Variants in POLN observed in about 807,000 individuals in gnomAD.
POLN encodes DNA polymerase nu, also known as DNA polymerase N.
Under a neutral mutation model 113.5 loss-of-function variants are expected in POLN, and 108 were observed. That is an observed-to-expected ratio of 0.95 (90% confidence interval 0.81 to 1.12). The LOEUF (loss-of-function observed/expected upper bound fraction) is 1.12. Ranked by LOEUF, POLN falls within the 50% of genes most tolerant of loss-of-function variation. The pLI is 0.00. For missense variants in POLN, 1,097 were observed against 1,077.1 expected (o/e 1.02, Z -0.26); for synonymous variants, 386 against 391.5 (o/e 0.99, Z 0.17).
At chr4:2,186,517 G>T (rs1476528547) in intron 7 of POLN, among the ~76,000 whole-genome samples, 1 of 152,170 alleles carries the variant, frequency 6.6e-6, no homozygotes, top group Non-Finnish European at 1.5e-5. Flanking sequence ...AAGTTTGCTA[G>T]AGCCGAGGCA....
chr4:2,186,683 A>C (rs1006521626), intron 7 of POLN, among the ~76,000 whole-genome samples: 1 of 152,244 alleles, frequency 6.6e-6, no homozygotes, highest in African/African-American at 2.4e-5. Flanking sequence ...GAACAAAAAA[A>C]CGAATCCTTC....
intron 6 of POLN, among the ~76,000 whole-genome samples, chr4:2,198,043 G>A (rs1577763353): frequency 1.3e-5 from 2 of 152,352 alleles, no homozygotes; most frequent in African/African-American, 4.8e-5. Context: ...TTCTAAGAGG[G>A]CCGGTCCAAA....
intron 7 of POLN, among the ~76,000 whole-genome samples, chr4:2,188,780 A>G (rs1733351564): frequency 6.6e-6 from 1 of 152,200 alleles, no homozygotes; most frequent in South Asian, 2.1e-4. Context: ...AGATTAAAAG[A>G]TAAATCTATA....
chr4:2,185,879 CA>C (rs1203852227), intron 7 of POLN, among the ~76,000 whole-genome samples: 1 of 152,058 alleles, frequency 6.6e-6, no homozygotes, highest in Non-Finnish European at 1.5e-5. Context: ...ACTGACTAGA[CA>C]GCTAATAATA....
chr4:2,146,032 A>G (rs1732129500), intron 16 of POLN, among the ~76,000 whole-genome samples: 1 of 79,968 alleles, frequency 1.3e-5, no homozygotes, highest in South Asian at 5.4e-4. Flanking sequence ...AATTTATATA[A>G]ACTTTAAAAT....
chr4:2,185,090 C>G (rs1376698475), intron 7 of POLN, among the ~76,000 whole-genome samples: 1 of 152,126 alleles, frequency 6.6e-6, no homozygotes, highest in Non-Finnish European at 1.5e-5. Flanking sequence ...CATAATAGAT[C>G]TTAAATATCA....
chr4:2,091,800 T>TGTGTGTGTGTGC (rs577896956), intron 20 of POLN, among the ~76,000 whole-genome samples: 1 of 144,848 alleles, frequency 6.9e-6, no homozygotes, highest in South Asian at 2.2e-4. Context: ...TGTGTGTGTG[T>TGTGTGTGTGTGC]GCGCGCGCTA....
intron 5 of POLN, among the ~76,000 whole-genome samples, chr4:2,203,812 T>C (rs892450358): frequency 6.6e-6 from 1 of 151,068 alleles, no homozygotes; most frequent in African/African-American, 2.4e-5. Flanking sequence ...AAAATACAAA[T>C]GATAAATGAA....
At chr4:2,203,496 C>G (rs1733765937) in intron 5 of POLN, among the ~76,000 whole-genome samples, 1 of 151,240 alleles carries the variant, frequency 6.6e-6, no homozygotes, top group African/African-American at 2.4e-5. Flanking sequence ...AGGAGAATTG[C>G]TTGAACCTGG....
intron 18 of POLN, among the ~76,000 whole-genome samples, 161 bp from the exon 19 acceptor site, chr4:2,128,388 G>A (rs1352403705): frequency 6.6e-6 from 1 of 152,206 alleles, no homozygotes; most frequent in Non-Finnish European, 1.5e-5. Context: ...GTCAGGAGGT[G>A]AGAAATGAAA....
At chr4:2,193,343 TTTAAACA>T (rs1209449452) in intron 6 of POLN, 27 bp from the exon 7 acceptor site, 1 of 1,487,448 alleles carries the variant, frequency 6.7e-7, no homozygotes, top group East Asian at 2.3e-5. Flanking sequence ...AATTCACTGA[TTTAAACA>T]TTAATTTGGG....
intron 13 of POLN, among the ~76,000 whole-genome samples, chr4:2,162,040 T>G (rs1732607753): frequency 6.6e-6 from 1 of 152,022 alleles, no homozygotes; most frequent in South Asian, 2.1e-4. Flanking sequence ...GCTCTACCAA[T>G]CAGCAGGATG....
At chr4:2,197,261 T>C (rs549813309) in intron 6 of POLN, among the ~76,000 whole-genome samples, 2 of 152,152 alleles carry the variant, frequency 1.3e-5, no homozygotes, top group South Asian at 2.1e-4. Context: ...AGGAGTCCAA[T>C]GTGGAAGTTC....
chr4:2,134,522 T>C (rs1033196001), intron 16 of POLN, among the ~76,000 whole-genome samples: 1 of 150,002 alleles, frequency 6.7e-6, no homozygotes, highest in African/African-American at 2.5e-5. Context: ...GTAAGGTTTT[T>C]GTTTGTTTGT....
intron 19 of POLN, among the ~76,000 whole-genome samples, chr4:2,100,065 G>A (rs1418737814): frequency 1.8e-5 from 2 of 111,222 alleles, no homozygotes; most frequent in Admixed American, 1.0e-4. Context: ...GTGAGACCCT[G>A]TCTCAAAAAA....
rs375423321 is a variant in POLN, at chr4:2,077,247, A to C, written c.2388-1728T>G. 5.3e-5 allele frequency among the ~76,000 whole-genome samples: 8 copies of C among 152,352 alleles called. No homozygotes were observed. In the East Asian group the frequency reaches 5.8e-4, roughly 11 times the overall value. ...GAGGGACTTCGGTCCTGCTGCTCTG[A>C]GCCTCTGAAACAAAGCAACCACTGT... On this transcript the variant is annotated intron_variant, in intron 23 of 25. Coordinates refer to ENST00000511885, the MANE Select transcript of POLN (RefSeq NM_181808.4).
intron 1 of POLN, 102 bp from the exon 2 acceptor site, chr4:2,241,892 C>T (rs952767790): frequency 3.9e-5 from 38 of 985,392 alleles, no homozygotes; most frequent in Non-Finnish European, 4.3e-5. Context: ...GCTCCTCGCC[C>T]AGCGGACCGG....
chr4:2,142,159 TAACAA>T (rs1035884122), intron 16 of POLN, among the ~76,000 whole-genome samples: 6 of 152,212 alleles, frequency 3.9e-5, no homozygotes, highest in Non-Finnish European at 7.3e-5. Context: ...ATTCAAAAAT[TAACAA>T]AACAAAACAC....
intron 25 of POLN, 98 bp downstream of exon 25, chr4:2,072,870 G>T: frequency 7.6e-7 from 1 of 1,317,626 alleles, no homozygotes. Flanking sequence ...TCTCGGGGCT[G>T]GGGCTGCACC....
Sources: allele counts gnomAD v4.1 joint callset (sites outside exome capture counted in the v4.1 genomes callset), GRCh38; gene constraint gnomAD v4.1.1; transcripts MANE v1.5; gene names NCBI Gene and HGNC (gene_info 2026-07-23, HGNC 2026-07-21).